Variants in ZFHX3 observed in about 807,000 individuals in gnomAD.
The protein encoded by ZFHX3 is zinc finger homeobox protein 3.
ZFHX3 carries 42 observed loss-of-function variants against 279.1 expected under a neutral mutation model. That is an observed-to-expected ratio of 0.15 (90% CI 0.12 to 0.19). The LOEUF is 0.19. Ranked by LOEUF, ZFHX3 falls within the 10% of genes least tolerant of loss-of-function variation. The probability of loss-of-function intolerance (pLI) is 1.00; values close to 1 mark genes in which losing one functional copy is unlikely to be tolerated. For missense variants in ZFHX3, 4,981 were observed against 4,754.0 expected, an observed-to-expected ratio of 1.05 and a Z score of -1.40; for synonymous variants, 2,293 against 1,957.8, an observed-to-expected ratio of 1.17 and a Z score of -4.52.
chr16:72,795,051 T>C lies in ZFHX3; in HGVS notation c.7631A>G (p.His2544Arg). 6.2e-7 allele frequency: 1 copy of C among 1,614,154 alleles called. No homozygotes were observed. The highest frequency in any genetic ancestry group is 8.5e-7 in the Non-Finnish European group (1 of 1,180,026). The change falls in exon 9 of 10, where the codon CAC (histidine) becomes CGC (arginine). Residue 2544 changes from histidine to arginine, a missense_variant. By Grantham distance (29) the His-to-Arg change is conservative (BLOSUM62 0). Coordinates refer to ENST00000268489, the MANE Select transcript of ZFHX3 (RefSeq NM_006885.4). ...QCKLAFPSFE[H>R]WQEHQQLHFL... ...GTGGAGCTGCTGATGCTCCTGCCAGTGCTCAAATGACGGAAATGCCAACTT... is the reference window on the plus strand; with the variant it reads ...GTGGAGCTGCTGATGCTCCTGCCAGCGCTCAAATGACGGAAATGCCAACTT...
At chr16:72,839,690 T>C (rs964933112) in intron 4 of ZFHX3, among the ~76,000 whole-genome samples, 3 of 152,002 alleles carry the variant, frequency 2.0e-5, no homozygotes, top group African/African-American at 7.3e-5. Flanking sequence ...ATTTATTTGC[T>C]CATCAGAATT....
chr16:73,826,141 G>C (rs1301067081), intron 1 of ZFHX3, among the ~76,000 whole-genome samples: 44 of 122,662 alleles, frequency 3.6e-4, no homozygotes, highest in African/African-American at 1.7e-3. Flanking sequence ...TGGATTCCTA[G>C]GTATTTTATT....
At chr16:73,729,253 G>A (rs1192571053) in intron 1 of ZFHX3, among the ~76,000 whole-genome samples, 7 of 152,166 alleles carry the variant, frequency 4.6e-5, no homozygotes, top group South Asian at 2.1e-4. Flanking sequence ...CGGCAATGGC[G>A]TGGAGGCTCA....
At chr16:72,804,623 A>G (rs371458477) in intron 7 of ZFHX3, among the ~76,000 whole-genome samples, 23 of 152,134 alleles carry the variant, frequency 1.5e-4, no homozygotes, top group African/African-American at 4.1e-4. Context: ...TCAAGATTCT[A>G]TGAGGTGAGT....
intron 7 of ZFHX3, chr16:72,807,014 T>C (rs944379111): frequency 4.6e-5 from 7 of 152,210 alleles, no homozygotes; most frequent in South Asian, 2.1e-4. Flanking sequence ...TCAATTAGAA[T>C]AATTTAAGAG....
Position 72,907,545 on chromosome 16 carries a change from T to TTTTGTG in ZFHX3, c.3217-17584_3217-17583insCACAAA, listed in dbSNP as rs1394689944. Among the ~76,000 whole-genome samples, 19 of 120,480 alleles carry TTTTGTG rather than the reference T, an allele frequency of 1.6e-4. 1 individual carries two copies. Among genetic ancestry groups the TTTTGTG allele is most frequent in the African/African-American group, 5.1e-4 (16 of 31,306 alleles). 79.0% of individuals were successfully genotyped at this position (120,480 alleles called of 152,430 possible). A position where few individuals can be genotyped will look rare whatever the true frequency, so the allele number is the denominator to read the frequency against. On this transcript the variant is annotated intron_variant, in intron 3 of 9. Coordinates refer to ENST00000268489, the MANE Select transcript of ZFHX3 (RefSeq NM_006885.4). ...CTCGGTTTCCAAAGGTTTCCTCTAT[T>TTTTGTG]TGTGTGTGTGTGTGTGTGTGTGTGT...
intron 3 of ZFHX3, among the ~76,000 whole-genome samples, chr16:73,325,535 A>T (rs922142207): frequency 4.6e-5 from 7 of 152,210 alleles, no homozygotes; most frequent in African/African-American, 1.7e-4. Context: ...ATTTCATATC[A>T]TATGGCCATG....
At chr16:73,691,635 C>G (rs1358203352) in intron 1 of ZFHX3, among the ~76,000 whole-genome samples, 2 of 152,116 alleles carry the variant, frequency 1.3e-5, no homozygotes, top group African/African-American at 4.8e-5. Flanking sequence ...GGGATAGATT[C>G]TATAAATATT....
At chr16:72,975,889 T>C (rs1205114625) in intron 1 of ZFHX3, among the ~76,000 whole-genome samples, 1 of 152,214 alleles carries the variant, frequency 6.6e-6, no homozygotes, top group African/African-American at 2.4e-5. Flanking sequence ...AGTACTTGGA[T>C]TAATTATGCT....
chr16:72,950,595 C>G lies in ZFHX3; in HGVS notation c.3090G>C (p.Lys1030Asn). ...EGGKANEWRL[K>N]CVAIGNPVHL... is the part of the protein sequence containing the mutation. Reference sequence around the variant, plus strand: ...GCACGGGGTTGCCGATGGCCACACACTTGAGCCTCCACTCGTTGGCCTTGC... The same window carrying G: ...GCACGGGGTTGCCGATGGCCACACAGTTGAGCCTCCACTCGTTGGCCTTGC... The change falls in exon 3 of 10, where the codon AAG becomes AAC. Residue 1030 changes from lysine (K) to asparagine (N), a missense_variant. This residue lies in a region of ZFHX3 where 1,751 missense variants were observed against 1,770.0 expected (regional missense o/e 0.99). Transcript: ENST00000268489. 1 of 1,614,232 alleles carries G rather than the reference C, an allele frequency of 6.2e-7. No homozygotes were observed. The highest frequency in any genetic ancestry group is 8.5e-7 in the Non-Finnish European group (1 of 1,180,046).
chr16:72,977,233 G>C (rs939310926), intron 1 of ZFHX3, among the ~76,000 whole-genome samples: 7 of 152,186 alleles, frequency 4.6e-5, no homozygotes, highest in African/African-American at 1.7e-4. Flanking sequence ...TTTAAGCTGG[G>C]ACCAGCGACT....
intron 5 of ZFHX3, chr16:73,232,350 C>G (rs942403338): frequency 3.3e-5 from 5 of 152,114 alleles, no homozygotes; most frequent in African/African-American, 1.2e-4. Flanking sequence ...CTTTGGTGAT[C>G]CAGCTTGCAG....
At chr16:73,572,180 A>C (rs893518492) in intron 2 of ZFHX3, among the ~76,000 whole-genome samples, 3 of 151,880 alleles carry the variant, frequency 2.0e-5, no homozygotes, top group African/African-American at 4.8e-5. Context: ...AAAAAAAAAA[A>C]AAAAAACTTT....
intron 5 of ZFHX3, among the ~76,000 whole-genome samples, chr16:73,221,285 AG>A (rs2012411606): frequency 1.3e-5 from 2 of 152,318 alleles, no homozygotes; most frequent in South Asian, 4.2e-4. Context: ...TACAAAGAAA[AG>A]TCACTGTTAA....
At chr16:73,011,726 A>G (rs970883244) in intron 1 of ZFHX3, among the ~76,000 whole-genome samples, 4 of 146,592 alleles carry the variant, frequency 2.7e-5, no homozygotes, top group African/African-American at 7.5e-5. Flanking sequence ...AATCTCAAGG[A>G]AAAAAAAAAA....
intron 2 of ZFHX3, among the ~76,000 whole-genome samples, chr16:73,655,434 C>G (rs2052712984): frequency 6.6e-6 from 1 of 152,150 alleles, no homozygotes; most frequent in Non-Finnish European, 1.5e-5. Context: ...ACCAAGTCCC[C>G]TGATGCAAAA....
intron 4 of ZFHX3, among the ~76,000 whole-genome samples, chr16:72,860,363 CCT>C (rs568510153): frequency 7.9e-5 from 12 of 152,190 alleles, no homozygotes; most frequent in Non-Finnish European, 1.0e-4. Flanking sequence ...CGCTTTCCCC[CCT>C]CTTTCCTTTC....
intron 4 of ZFHX3, among the ~76,000 whole-genome samples, chr16:72,855,027 A>G (rs999786715): frequency 4.6e-5 from 7 of 152,134 alleles, no homozygotes; most frequent in Non-Finnish European, 7.3e-5. Context: ...AGATAGCAAA[A>G]TACTCTACTG....
At chr16:72,967,801 G>A (rs1236857380) in intron 1 of ZFHX3, among the ~76,000 whole-genome samples, 6 of 150,780 alleles carry the variant, frequency 4.0e-5, no homozygotes, top group African/African-American at 9.7e-5. Flanking sequence ...GGTGGCGGGC[G>A]CCTGTAGTCC....
Sources: gnomAD v4.1 joint callset for allele counts (sites outside exome capture counted in the v4.1 genomes callset) on GRCh38, gnomAD v4.1.1 for gene constraint, gnomAD v4.1.1 regional missense constraint, MANE v1.5 for transcripts, NCBI Gene and HGNC (gene_info 2026-07-23, HGNC 2026-07-21) for gene names.